The following FRMD5 variants were observed in gnomAD, a reference collection of about 807,000 sequenced individuals.
The protein encoded by FRMD5 is FERM domain containing 5, also known as FERM domain-containing protein 5.
FRMD5 carries 20 observed loss-of-function variants against 69.0 expected under a neutral mutation model. The observed-to-expected ratio is 0.29, with a 90% confidence interval of 0.20 to 0.42. The LOEUF (loss-of-function observed/expected upper bound fraction) is 0.42, where lower values mean the gene tolerates loss of function less well. Ranked by LOEUF, FRMD5 falls within the 10% of genes least tolerant of loss-of-function variation. The probability of loss-of-function intolerance (pLI) is 1.00; values close to 1 mark genes in which losing one functional copy is unlikely to be tolerated. For missense variants in FRMD5, 595 were observed against 708.6 expected, an observed-to-expected ratio of 0.84 and a Z score of 1.82; for synonymous variants, 271 against 260.1, an observed-to-expected ratio of 1.04 and a Z score of -0.40.
At chr15:43,898,915 A>C (rs986299752) in intron 7 of FRMD5, among the ~76,000 whole-genome samples, 1 of 152,206 alleles carries the variant, frequency 6.6e-6, no homozygotes. Context: ...CCAGGGCCAG[A>C]CAAGGACATT....
chr15:44,108,606 T>C (rs189637616), intron 1 of FRMD5, among the ~76,000 whole-genome samples: 7 of 152,154 alleles, frequency 4.6e-5, no homozygotes, highest in Admixed American at 3.9e-4. Context: ...GATCACGCCA[T>C]TGCACTCCAG....
intron 1 of FRMD5, among the ~76,000 whole-genome samples, chr15:44,123,189 A>C (rs201277362): frequency 1.3e-5 from 2 of 152,086 alleles, no homozygotes; most frequent in Non-Finnish European, 2.9e-5. Flanking sequence ...TACTAAAAAT[A>C]CAAAAATTAG....
intron 1 of FRMD5, among the ~76,000 whole-genome samples, chr15:44,147,204 T>C (rs563899499): frequency 2.0e-5 from 3 of 152,312 alleles, no homozygotes; most frequent in South Asian, 4.1e-4. Context: ...ATTTTCTGCA[T>C]ATGGCTAGCC....
chr15:43,958,272 C>A (rs984642269), intron 1 of FRMD5, among the ~76,000 whole-genome samples: 1 of 151,976 alleles, frequency 6.6e-6, no homozygotes, highest in Admixed American at 6.6e-5. Context: ...CTGAGAGCTG[C>A]TCATGCCTTT....
At chr15:43,876,171 T>A in intron 13 of FRMD5, 1 of 1,597,470 alleles carries the variant, frequency 6.3e-7, no homozygotes, top group Non-Finnish European at 8.6e-7. Flanking sequence ...AGCCTTCTTG[T>A]CAGCACTGTC....
intron 1 of FRMD5, among the ~76,000 whole-genome samples, chr15:44,044,567 T>C (rs995982505): frequency 9.9e-5 from 15 of 152,134 alleles, no homozygotes; most frequent in African/African-American, 3.6e-4. Context: ...ATATACACCA[T>C]GGAATACTGT....
chr15:44,087,943 T>G (rs185312673), intron 1 of FRMD5, among the ~76,000 whole-genome samples: 20 of 152,274 alleles, frequency 1.3e-4, no homozygotes, highest in Admixed American at 3.3e-4. Flanking sequence ...CTGAAGTAAT[T>G]CCTGTATGGT....
intron 1 of FRMD5, among the ~76,000 whole-genome samples, chr15:44,173,120 G>T (rs543339150): frequency 3.3e-5 from 5 of 152,106 alleles, no homozygotes; most frequent in African/African-American, 1.2e-4. Flanking sequence ...CCAACAAATG[G>T]GCTTGACCAA....
intron 1 of FRMD5, among the ~76,000 whole-genome samples, chr15:44,123,032 T>C (rs552909458): frequency 2.0e-5 from 3 of 152,330 alleles, no homozygotes; most frequent in African/African-American, 7.2e-5. Context: ...ATGGCTATCA[T>C]AATGTGAACA....
chr15:44,012,924 GC>G (rs1264679600), intron 1 of FRMD5, among the ~76,000 whole-genome samples: 2 of 150,562 alleles, frequency 1.3e-5, no homozygotes, highest in Non-Finnish European at 3.0e-5. Flanking sequence ...GCGCCACCAT[GC>G]CCAGCTAATT....
intron 1 of FRMD5, among the ~76,000 whole-genome samples, chr15:44,134,484 T>C (rs1408342251): frequency 6.6e-6 from 1 of 152,208 alleles, no homozygotes; most frequent in Non-Finnish European, 1.5e-5. Flanking sequence ...GGTCTCGCTC[T>C]GTCACCCAGA....
chr15:43,965,264 A>T (rs1326385385), intron 1 of FRMD5, among the ~76,000 whole-genome samples: 1 of 152,178 alleles, frequency 6.6e-6, no homozygotes, highest in Non-Finnish European at 1.5e-5. Flanking sequence ...AACAACTATG[A>T]TCATTCACTT....
chr15:44,051,606 C>G (rs1345758944), intron 1 of FRMD5, among the ~76,000 whole-genome samples: 1 of 151,862 alleles, frequency 6.6e-6, no homozygotes, highest in Non-Finnish European at 1.5e-5. Context: ...TAGTTCTAAC[C>G]TAATGCTCTT....
At chr15:44,043,782 G>C (rs1302644103) in intron 1 of FRMD5, among the ~76,000 whole-genome samples, 1 of 152,130 alleles carries the variant, frequency 6.6e-6, no homozygotes, top group African/African-American at 2.4e-5. Flanking sequence ...ATTCAAGATG[G>C]ATTAAAGACT....
rs76412709 is a variant in FRMD5, at chr15:44,116,459, T to C, written c.102+78494A>G. On this transcript the variant is annotated intron_variant, in intron 1 of 13. Coordinates refer to ENST00000417257, the MANE Select transcript of FRMD5 (RefSeq NM_032892.5). The stretch of plus-strand genomic sequence containing the variant: ...TTTGGCTTTAACAACTGGCAGAGCC[T>C]GTGTCCTGACTACAGGGCTACAACA... 7.4e-3 allele frequency among the ~76,000 whole-genome samples: 1,129 copies of C among 152,268 alleles called. 14 individuals carry two copies. The highest frequency in any genetic ancestry group is 0.026 in the African/African-American group (1,086 of 41,550).
At chr15:43,922,667 CCTT>C (rs2089515248) in intron 2 of FRMD5, among the ~76,000 whole-genome samples, 1 of 150,244 alleles carries the variant, frequency 6.7e-6, no homozygotes, top group Non-Finnish European at 1.5e-5. Flanking sequence ...AACTGGCCCT[CCTT>C]TTTTTTTTTT....
At position 44,048,976 on chromosome 15, in the gene FRMD5, C is replaced by A. The variant is rs1266129613; in HGVS notation, c.103-124667G>T. ...TACTTCTTGGCGGAAAGGCAGCATG[C>A]ATTATTGCTGTTGCCTACAGATTTA... On this transcript the variant is annotated intron_variant, in intron 1 of 13. Transcript: ENST00000417257. Among the ~76,000 whole-genome samples the A allele has an allele frequency of 2.6e-5, 4 of 152,290 alleles. No individual in the cohort carries two copies. In the East Asian group the frequency reaches 7.7e-4, roughly 29 times the overall value.
chr15:43,997,614 C>T (rs936480968), intron 1 of FRMD5, among the ~76,000 whole-genome samples: 9 of 150,852 alleles, frequency 6.0e-5, no homozygotes, highest in Middle Eastern at 3.4e-3. Context: ...AGTTCTACTA[C>T]CAAAGTGAGT....
chr15:44,160,274 T>C (rs893037032), intron 1 of FRMD5, among the ~76,000 whole-genome samples: 7 of 152,184 alleles, frequency 4.6e-5, no homozygotes, highest in Non-Finnish European at 8.8e-5. Flanking sequence ...GAGAATCACT[T>C]GAACCCGGGA....
Sources: gnomAD v4.1 joint callset for allele counts (sites outside exome capture counted in the v4.1 genomes callset) on GRCh38, gnomAD v4.1.1 for gene constraint, MANE v1.5 for transcripts, NCBI Gene and HGNC (gene_info 2026-07-23, HGNC 2026-07-21) for gene names.